BANP: variants seen among roughly 807,000 people sequenced by gnomAD.
BANP encodes protein BANP.
BANP carries 11 observed loss-of-function variants against 68.1 expected under a neutral mutation model. The observed-to-expected ratio is 0.16, with a 90% CI of 0.10 to 0.27. BANP has a LOEUF of 0.27. BANP is among the 10% of genes least tolerant of loss of function. The probability of loss-of-function intolerance (pLI) is 1.00; values close to 1 mark genes in which losing one functional copy is unlikely to be tolerated. For missense variants in BANP, 504 were observed against 722.7 expected (o/e 0.70, Z 3.47); for synonymous variants, 329 against 303.2 (o/e 1.09, Z -0.88).
rs1171518865 is a variant in BANP, at chr16:88,003,475, T to C, written c.363-820T>C. 6.6e-6 allele frequency: 3 copies of C among 456,278 alleles called. No homozygotes were observed. Among genetic ancestry groups the C allele is most frequent in the South Asian group, 4.6e-5 (3 of 64,572 alleles). 28.3% of individuals were successfully genotyped at this position (456,278 alleles called of 1,614,324 possible). ...GTGTTTCTAGTGCTAGTTCTTTCTC[T>C]CCCCAGCCTTCCACAACAAAGCGGA... On this transcript the variant is annotated intron_variant, in intron 4 of 13. Coordinates refer to ENST00000682872, the MANE Select transcript of BANP (RefSeq NM_001386991.1). The surrounding 1 kb of genome is among the most constrained non-coding windows in gnomAD (Gnocchi z 6.1).
chr16:88,063,478 A>G, intron 11 of BANP, among the ~76,000 whole-genome samples: 1 of 152,180 alleles, frequency 6.6e-6, no homozygotes, highest in South Asian at 2.1e-4. Flanking sequence ...TCCATAGAGA[A>G]AGTGAGTCCC....
At chr16:87,967,254 C>CTTTTTTT (rs573550962) in intron 1 of BANP, among the ~76,000 whole-genome samples, 3 of 106,980 alleles carry the variant, frequency 2.8e-5, no homozygotes, top group East Asian at 3.1e-4. Context: ...GGAAAAGGTT[C>CTTTTTTT]TTTTTTTTTT....
At chr16:88,049,050 C>A (rs900812048) in intron 11 of BANP, among the ~76,000 whole-genome samples, 1 of 152,060 alleles carries the variant, frequency 6.6e-6, no homozygotes, top group Non-Finnish European at 1.5e-5. Context: ...TGGGACCAAA[C>A]GTGGGGTTTT....
chr16:87,974,769 A>G (rs2145761707), intron 1 of BANP, among the ~76,000 whole-genome samples: 1 of 152,268 alleles, frequency 6.6e-6, no homozygotes, highest in South Asian at 2.1e-4. Flanking sequence ...AGTGTTGGGA[A>G]GGTGGCTTTG....
At chr16:87,996,250 C>T (rs951748149) in intron 4 of BANP, among the ~76,000 whole-genome samples, 2 of 152,236 alleles carry the variant, frequency 1.3e-5, no homozygotes, top group Admixed American at 6.5e-5. Context: ...TAGTCACCGC[C>T]TGAGACCGGG....
chr16:88,035,073 T>C (rs1247703133), intron 9 of BANP: 3 of 501,694 alleles, frequency 6.0e-6, no homozygotes, highest in Non-Finnish European at 1.1e-5. Flanking sequence ...TTCAGCACCA[T>C]CCACAGTTTC....
intron 6 of BANP, among the ~76,000 whole-genome samples, chr16:88,012,943 C>T (rs2073559097): frequency 6.6e-6 from 1 of 151,770 alleles, no homozygotes; most frequent in African/African-American, 2.4e-5. Flanking sequence ...CCCTTTTTCC[C>T]GACAGTAGGG....
chr16:88,009,285 G>C (rs1183148838), intron 6 of BANP, among the ~76,000 whole-genome samples: 1 of 152,122 alleles, frequency 6.6e-6, no homozygotes, highest in African/African-American at 2.4e-5. Context: ...AGTGCTAAAG[G>C]GGGTGTGCTT....
At chr16:87,972,686 AAT>A (rs1356130546) in intron 1 of BANP, among the ~76,000 whole-genome samples, 1 of 152,164 alleles carries the variant, frequency 6.6e-6, no homozygotes, top group Non-Finnish European at 1.5e-5. Context: ...AAGTTTTAAA[AAT>A]ACAGCAGCTT....
chr16:88,026,193 C>T (rs1049971571), intron 7 of BANP, among the ~76,000 whole-genome samples: 5 of 152,212 alleles, frequency 3.3e-5, no homozygotes, highest in South Asian at 2.1e-4. Flanking sequence ...TGCGTGTGCA[C>T]GGTGAGCCCC....
At position 88,001,949 on chromosome 16, in the gene BANP, C is replaced by T. The variant is rs187109936; in HGVS notation, c.363-2346C>T. Among the ~76,000 whole-genome samples, 93 of 151,966 alleles carry T rather than the reference C, an allele frequency of 6.1e-4. 1 individual carries two copies. The highest frequency in any genetic ancestry group is 5.7e-3 in the Admixed American group (87 of 15,276). ...AAAAAAACAAAAAAAAAAAAACCTT[C>T]TGGATTGAAGGTTCAATCCAGATTT... is the stretch of plus-strand genomic sequence containing the variant. On this transcript the variant is annotated intron_variant, in intron 4 of 13. Transcript: ENST00000682872.
chr16:88,035,785 A>G (rs1203964131), intron 10 of BANP, among the ~76,000 whole-genome samples: 2 of 152,154 alleles, frequency 1.3e-5, no homozygotes, highest in Non-Finnish European at 2.9e-5. Context: ...CTCACCTGCC[A>G]TGTGGCCCCA....
rs1308151990 is a variant in BANP at position 88,071,947 on chromosome 16, T to C, written c.1378-122T>C. ...AGTCCTCGGTGTGGCCCTGAGGCCG[T>C]GTCCCTGCCGCTCAGGGGACAGCAC... On this transcript the variant is annotated intron_variant, in intron 12 of 13. Transcript: ENST00000682872. The surrounding 1 kb of genome is among the most constrained non-coding windows in gnomAD (Gnocchi z 6.5). The C allele has an allele frequency of 4.5e-6, 6 of 1,328,798 alleles. No homozygotes were observed. The Admixed American group carries it at 1.2e-4, about 27-fold the overall frequency. 82.3% of individuals were successfully genotyped at this position (1,328,798 alleles called of 1,614,324 possible).
At position 88,057,275 on chromosome 16, in the gene BANP, G is replaced by A. The variant is rs1350824172; in HGVS notation, c.1312-7992G>A. ...TCACCCAGCGCGCCTGTTGCTTTGGGTGCCTCTGTGGGGAGCAGCTAATGG... is the reference window on the plus strand; with the variant it reads ...TCACCCAGCGCGCCTGTTGCTTTGGATGCCTCTGTGGGGAGCAGCTAATGG... On this transcript the variant is annotated intron_variant, in intron 11 of 13. Coordinates refer to ENST00000682872, the MANE Select transcript of BANP (RefSeq NM_001386991.1). The surrounding 1 kb of genome is among the most constrained non-coding windows in gnomAD (Gnocchi z 4.6). 6.6e-6 allele frequency among the ~76,000 whole-genome samples: 1 copy of A among 152,198 alleles called. No homozygotes were observed. The highest frequency in any genetic ancestry group is 1.5e-5 in the Non-Finnish European group (1 of 68,036).
At chr16:87,975,287 A>C in intron 2 of BANP, 102 bp downstream of exon 2, 1 of 1,157,736 alleles carries the variant, frequency 8.6e-7, no homozygotes, top group Non-Finnish European at 1.3e-6. Flanking sequence ...AAGAAAAAGT[A>C]ATGCATGCTG....
chr16:88,037,770 A>T lies in BANP; in HGVS notation c.1273-203A>T, dbSNP rs1303749567. On this transcript the variant is annotated intron_variant, in intron 10 of 13. Coordinates refer to ENST00000682872, the MANE Select transcript of BANP (RefSeq NM_001386991.1). The stretch of plus-strand genomic sequence containing the variant: ...ACAATGCTTTTTGAGTTGTTTGTTC[A>T]TCTTTAAAATAATAAATAGTACCTA... 4 of 603,600 alleles carry T rather than the reference A, an allele frequency of 6.6e-6. No individual in the cohort carries two copies. In the Admixed American group the frequency reaches 8.9e-5, roughly 13 times the overall value. The allele number at this position is 603,600 out of a possible 1,614,324, so 37.4% of individuals were successfully genotyped here.
At chr16:88,068,257 G>T (rs772972730) in intron 12 of BANP, among the ~76,000 whole-genome samples, 21 of 152,252 alleles carry the variant, frequency 1.4e-4, no homozygotes, top group Non-Finnish European at 2.9e-4. Context: ...CTCGCCCCAG[G>T]CTTGGGTTTC....
intron 11 of BANP, among the ~76,000 whole-genome samples, chr16:88,041,750 A>G (rs147909045): frequency 0.027 from 4,050 of 152,290 alleles, 190 homozygotes; most frequent in African/African-American, 0.093. Flanking sequence ...TGCAGGCAGG[A>G]TGGGACTCAC....
intron 11 of BANP, among the ~76,000 whole-genome samples, chr16:88,038,308 G>C (rs1239613487): frequency 6.6e-6 from 1 of 152,200 alleles, no homozygotes; most frequent in African/African-American, 2.4e-5. Context: ...GAGGGAGCGA[G>C]GGTGCAAAGG....
Sources: gnomAD v4.1 joint callset for allele counts (sites outside exome capture counted in the v4.1 genomes callset) on GRCh38, gnomAD v4.1.1 for gene constraint, Gnocchi (gnomAD v3.1) non-coding constraint, MANE v1.5 for transcripts, NCBI Gene and HGNC (gene_info 2026-07-23, HGNC 2026-07-21) for gene names.